The following PRKN variants were observed in gnomAD, a reference collection of about 807,000 sequenced individuals.
PRKN encodes the protein parkin RBR E3 ubiquitin protein ligase.
In PRKN, 56 loss-of-function variants were observed where a neutral mutation model predicts 59.5. The ratio of observed to expected loss-of-function variants is 0.94; its 90% confidence interval spans 0.76 to 1.18. The LOEUF (loss-of-function observed/expected upper bound fraction) is 1.18. Among genes scored for constraint, PRKN ranks in the 50% most tolerant of loss-of-function variants. PRKN has a pLI of 0.00. For missense variants in PRKN, 657 were observed against 596.4 expected (o/e 1.10, Z -1.06); for synonymous variants, 250 against 222.1 (o/e 1.13, Z -1.12).
chr6:162,147,344 GA>G (rs767653516), intron 4 of PRKN, among the ~76,000 whole-genome samples: 904 of 42,054 alleles, frequency 0.021, 3 homozygotes, highest in Non-Finnish European at 0.029. Flanking sequence ...CTCTGTCTCA[GA>G]AAAAAAAAAA....
chr6:161,817,631 A>T (rs1237760839), intron 6 of PRKN, among the ~76,000 whole-genome samples: 1 of 152,232 alleles, frequency 6.6e-6, no homozygotes. Flanking sequence ...AGAAAAGTTA[A>T]CTTGTTAATA....
At chr6:161,412,414 ACTCACTCATTCCTTC>A (rs1258603352) in intron 9 of PRKN, among the ~76,000 whole-genome samples, 2 of 129,510 alleles carry the variant, frequency 1.5e-5, no homozygotes, top group African/African-American at 6.1e-5. Flanking sequence ...GCATTCCTCC[ACTCACTCATTCCTTC>A]CTCACTCATT....
chr6:161,964,544 C>T (rs576985159), intron 6 of PRKN, among the ~76,000 whole-genome samples: 12 of 152,036 alleles, frequency 7.9e-5, no homozygotes, highest in Admixed American at 2.0e-4. Flanking sequence ...GAAGTTTTCT[C>T]TTTCATCTTA....
chr6:162,190,286 A>G (rs1379831068), intron 4 of PRKN, among the ~76,000 whole-genome samples: 1 of 151,988 alleles, frequency 6.6e-6, no homozygotes, highest in Non-Finnish European at 1.5e-5. Flanking sequence ...ATACTCTTCC[A>G]TTTTCTTTTC....
chr6:161,437,395 T>C (rs1788971967), intron 9 of PRKN, among the ~76,000 whole-genome samples: 1 of 152,186 alleles, frequency 6.6e-6, no homozygotes, highest in Admixed American at 6.5e-5. Flanking sequence ...CTCAGAACAG[T>C]GAGCAATTTA....
chr6:161,622,816 A>C (rs963074490), intron 7 of PRKN, among the ~76,000 whole-genome samples: 1 of 152,214 alleles, frequency 6.6e-6, no homozygotes, highest in South Asian at 2.1e-4. Flanking sequence ...AAGGTGACTT[A>C]TTATTCTGTT....
chr6:162,577,820 T>C (rs1257427722), intron 1 of PRKN, among the ~76,000 whole-genome samples: 3 of 152,024 alleles, frequency 2.0e-5, no homozygotes, highest in African/African-American at 4.8e-5. Flanking sequence ...TCCCAGCTAC[T>C]TGAGAAGCTC....
At chr6:161,715,035 A>G (rs1166203105) in intron 7 of PRKN, among the ~76,000 whole-genome samples, 5 of 152,214 alleles carry the variant, frequency 3.3e-5, no homozygotes, top group Non-Finnish European at 7.3e-5. Context: ...TCATAACCAG[A>G]GATAATAACA....
intron 7 of PRKN, among the ~76,000 whole-genome samples, chr6:161,603,393 A>C (rs1425954432): frequency 1.3e-5 from 2 of 152,216 alleles, no homozygotes. Context: ...GTAATTGTTC[A>C]AACTTTAGCC....
chr6:161,999,274 T>G (rs1026272531), intron 5 of PRKN, among the ~76,000 whole-genome samples: 7 of 151,994 alleles, frequency 4.6e-5, no homozygotes, highest in African/African-American at 1.4e-4. Flanking sequence ...ACAACCTGCT[T>G]GGGGTGGGGC....
intron 2 of PRKN, among the ~76,000 whole-genome samples, chr6:162,411,680 GA>G (rs1309266792): frequency 2.6e-5 from 4 of 152,032 alleles, no homozygotes; most frequent in Admixed American, 2.6e-4. Context: ...GTTTTTCTTT[GA>G]ATATAGTTAT....
intron 2 of PRKN, among the ~76,000 whole-genome samples, chr6:162,325,402 G>A (rs1235584599): frequency 5.9e-5 from 9 of 152,036 alleles, no homozygotes; most frequent in Admixed American, 3.3e-4. Flanking sequence ...AACTCATCTC[G>A]ACGGAAACAG....
intron 7 of PRKN, among the ~76,000 whole-genome samples, chr6:161,691,008 A>T (rs369707817): frequency 3.9e-4 from 46 of 117,130 alleles, no homozygotes; most frequent in African/African-American, 1.4e-3. Context: ...CATCCATCCA[A>T]CCATCCGTCC....
chr6:161,910,305 A>G (rs1285185772), intron 6 of PRKN, among the ~76,000 whole-genome samples: 1 of 152,178 alleles, frequency 6.6e-6, no homozygotes, highest in Non-Finnish European at 1.5e-5. Flanking sequence ...CCCAGGGTGG[A>G]GTGCAGTGGC....
rs763638925 is a variant in PRKN at position 162,443,346 on chromosome 6, G to A, written c.135C>T (p.Phe45=). The A allele has an allele frequency of 2.0e-5, 33 of 1,612,910 alleles. No individual in the cohort carries two copies. Among genetic ancestry groups the A allele is most frequent in the African/African-American group, 1.3e-4 (10 of 74,850 alleles). Residue 45 remains phenylalanine, a synonymous_variant, in exon 2 of 12, where the codon TTC becomes TTT. Coordinates refer to ENST00000366898, the MANE Select transcript of PRKN (RefSeq NM_004562.3). ...GVPADQLRVI[F]AGKELRNDWT... ...AGTCATTCCTCAGCTCCTTCCCTGC[G>A]AAAATCACACGCAACTGGTCAGCCG... is the stretch of plus-strand genomic sequence containing the variant.
rs1790049701 is a variant in PRKN, at chr6:161,458,010, T to C, written c.1084-71133A>G. Among the ~76,000 whole-genome samples the C allele has an allele frequency of 1.3e-5, 2 of 152,206 alleles. No homozygotes were observed. Among genetic ancestry groups the C allele is most frequent in the Non-Finnish European group, 2.9e-5 (2 of 68,030 alleles). On this transcript the variant is annotated intron_variant, in intron 9 of 11. Transcript: ENST00000366898. This position sits in a 1 kb window ranked among gnomAD's most constrained non-coding sequence, Gnocchi z 6.1. Reference sequence around the variant, plus strand: ...TGCAGACAATGACCGCCTTCTGATTTACTTGGGCTGCTCAAAACTCTGGAA... The same window carrying C: ...TGCAGACAATGACCGCCTTCTGATTCACTTGGGCTGCTCAAAACTCTGGAA...
chr6:161,886,336 A>G (rs1795146328), intron 6 of PRKN, among the ~76,000 whole-genome samples: 1 of 152,238 alleles, frequency 6.6e-6, no homozygotes. Flanking sequence ...AAATCTAAGC[A>G]TTGAAAACAT....
At chr6:161,670,524 A>T (rs1784869523) in intron 7 of PRKN, among the ~76,000 whole-genome samples, 1 of 152,134 alleles carries the variant, frequency 6.6e-6, no homozygotes, top group Non-Finnish European at 1.5e-5. Context: ...CTTATAAAAT[A>T]CACCAGTCAA....
chr6:161,536,045 A>G (rs1221724075), intron 9 of PRKN, among the ~76,000 whole-genome samples: 1 of 152,102 alleles, frequency 6.6e-6, no homozygotes, highest in Non-Finnish European at 1.5e-5. Context: ...GTTTGCTACT[A>G]AAACGCTCTC....
Sources: allele counts gnomAD v4.1 joint callset (sites outside exome capture counted in the v4.1 genomes callset), GRCh38; gene constraint gnomAD v4.1.1; non-coding constraint Gnocchi (gnomAD v3.1); transcripts MANE v1.5; gene names NCBI Gene and HGNC (gene_info 2026-07-23, HGNC 2026-07-21).